OSBPL1A: variants seen among roughly 807,000 people sequenced by gnomAD.
The protein encoded by OSBPL1A is oxysterol binding protein like 1A.
A neutral mutation model predicts 137.1 loss-of-function variants in OSBPL1A; 80 were observed. That is an observed-to-expected ratio of 0.58 (90% CI 0.49 to 0.70). The LOEUF is 0.70. OSBPL1A is among the 30% of genes least tolerant of loss of function. OSBPL1A has a pLI of 0.00. For synonymous variants in OSBPL1A, 365 were observed against 389.7 expected (o/e 0.94, Z 0.75); for missense variants, 970 against 1,129.4 (o/e 0.86, Z 2.02).
chr18:24,244,265 T>G (rs567731508), intron 15 of OSBPL1A, among the ~76,000 whole-genome samples: 1 of 152,354 alleles, frequency 6.6e-6, no homozygotes, highest in African/African-American at 2.4e-5. Flanking sequence ...TATTGATTAC[T>G]AGATTTTTTA....
At chr18:24,385,186 C>T (rs1222701640) in intron 1 of OSBPL1A, among the ~76,000 whole-genome samples, 9 of 151,972 alleles carry the variant, frequency 5.9e-5, no homozygotes, top group East Asian at 2.0e-4. Flanking sequence ...TATCTCCTGA[C>T]CTCATGATCC....
At chr18:24,337,946 CAT>C (rs1313656954) in intron 5 of OSBPL1A, among the ~76,000 whole-genome samples, 1 of 151,824 alleles carries the variant, frequency 6.6e-6, no homozygotes, top group Non-Finnish European at 1.5e-5. Flanking sequence ...AAATAAATAA[CAT>C]AAAATATGTA....
intron 17 of OSBPL1A, among the ~76,000 whole-genome samples, chr18:24,216,746 G>T (rs2087713551): frequency 6.6e-6 from 1 of 151,876 alleles, no homozygotes; most frequent in South Asian, 2.1e-4. Context: ...TTTGTTTAGG[G>T]TTCATCGGTT....
At chr18:24,360,853 G>A (rs1318416032) in intron 4 of OSBPL1A, among the ~76,000 whole-genome samples, 1 of 152,102 alleles carries the variant, frequency 6.6e-6, no homozygotes, top group Non-Finnish European at 1.5e-5. Flanking sequence ...CTCCAGGCCT[G>A]GATCCCCCTG....
At chr18:24,190,679 C>T (rs1305373046) in intron 18 of OSBPL1A, among the ~76,000 whole-genome samples, 7 of 152,212 alleles carry the variant, frequency 4.6e-5, no homozygotes, top group African/African-American at 1.7e-4. Context: ...CTCCTTCTAT[C>T]CTCTGTCGCT....
rs1474670651 is a variant in OSBPL1A at position 24,318,787 on chromosome 18, G to T, written c.648C>A (p.Ala216=). The change falls in exon 8 of 28, where the codon GCC becomes GCA. Residue 216 remains alanine, a synonymous_variant. Coordinates refer to ENST00000319481, the MANE Select transcript of OSBPL1A (RefSeq NM_080597.4). ...NKNDQKPLDL[A]QGAEMKHILV... ...GAATGTGTTTCATTTCAGCACCCTG[G>T]GCAAGGTCAAGAGGTTTCTGATCTG... is the stretch of plus-strand genomic sequence containing the variant. 9 of 1,613,030 alleles carry T rather than the reference G, an allele frequency of 5.6e-6. No individual in the cohort carries two copies. The highest frequency in any genetic ancestry group is 7.6e-6 in the Non-Finnish European group (9 of 1,179,876).
At chr18:24,191,690 A>C (rs1435808139) in intron 18 of OSBPL1A, among the ~76,000 whole-genome samples, 3 of 152,184 alleles carry the variant, frequency 2.0e-5, no homozygotes, top group African/African-American at 7.2e-5. Context: ...TGCAGTAATG[A>C]AGTATGATGA....
chr18:24,256,647 C>A (rs564997320), intron 15 of OSBPL1A, among the ~76,000 whole-genome samples: 2 of 152,068 alleles, frequency 1.3e-5, no homozygotes, highest in Non-Finnish European at 2.9e-5. Flanking sequence ...ATAAAGGTAT[C>A]CAAATTGGAA....
At chr18:24,352,249 C>T (rs2091452705) in intron 4 of OSBPL1A, among the ~76,000 whole-genome samples, 1 of 152,124 alleles carries the variant, frequency 6.6e-6, no homozygotes, top group Admixed American at 6.5e-5. Flanking sequence ...CTCCAGGGAA[C>T]AGTGATTGTG....
chr18:24,262,078 A>G (rs534010911), intron 15 of OSBPL1A, among the ~76,000 whole-genome samples: 14 of 152,340 alleles, frequency 9.2e-5, no homozygotes, highest in Non-Finnish European at 1.2e-4. Context: ...ATACTCCTGT[A>G]TATCTTCCAT....
At chr18:24,381,766 T>G (rs901047293) in intron 1 of OSBPL1A, among the ~76,000 whole-genome samples, 4 of 151,904 alleles carry the variant, frequency 2.6e-5, no homozygotes, top group Non-Finnish European at 5.9e-5. Context: ...GAGCCCAGCC[T>G]GGCCAACATG....
intron 17 of OSBPL1A, among the ~76,000 whole-genome samples, chr18:24,218,806 A>T (rs908626885): frequency 2.6e-5 from 4 of 152,166 alleles, no homozygotes; most frequent in African/African-American, 9.7e-5. Context: ...TAGAGAGTAT[A>T]GTTTAAAGTG....
intron 9 of OSBPL1A, among the ~76,000 whole-genome samples, chr18:24,318,210 C>T (rs1469471966): frequency 2.0e-5 from 3 of 151,992 alleles, no homozygotes; most frequent in Non-Finnish European, 4.4e-5. Flanking sequence ...TTCTGGGAGG[C>T]CAAGGCGGGT....
At chr18:24,249,636 C>A (rs965794363) in intron 15 of OSBPL1A, among the ~76,000 whole-genome samples, 1 of 152,308 alleles carries the variant, frequency 6.6e-6, no homozygotes. Context: ...ACATTGAACT[C>A]ATTGCTCCCC....
intron 1 of OSBPL1A, among the ~76,000 whole-genome samples, chr18:24,391,105 C>T (rs12606457): frequency 0.049 from 7,480 of 151,812 alleles, 262 homozygotes; most frequent in East Asian, 0.15. Context: ...CTGTCTCAAT[C>T]GATTGAGGAA....
chr18:24,270,882 T>G (rs1037496834), intron 15 of OSBPL1A, among the ~76,000 whole-genome samples: 1 of 152,170 alleles, frequency 6.6e-6, no homozygotes, highest in East Asian at 1.9e-4. Context: ...TTTAATAGCC[T>G]TAATAACTCA....
chr18:24,345,875 T>A (rs1313075874), intron 4 of OSBPL1A, among the ~76,000 whole-genome samples: 2 of 152,144 alleles, frequency 1.3e-5, no homozygotes, highest in Non-Finnish European at 2.9e-5. Context: ...TCCTCTTTTA[T>A]GAAAAAAGGT....
At chr18:24,336,999 C>T (rs758412428) in intron 5 of OSBPL1A, among the ~76,000 whole-genome samples, 110 of 152,208 alleles carry the variant, frequency 7.2e-4, no homozygotes, top group Non-Finnish European at 1.2e-3. Context: ...TACAGTGGAC[C>T]ACAAAGTGAT....
intron 15 of OSBPL1A, among the ~76,000 whole-genome samples, chr18:24,279,309 G>A (rs2089909454): frequency 6.7e-6 from 1 of 150,334 alleles, no homozygotes; most frequent in Non-Finnish European, 1.5e-5. Flanking sequence ...CATGCCAGTA[G>A]TCCCAGCTAC....
Sources: allele counts gnomAD v4.1 joint callset (sites outside exome capture counted in the v4.1 genomes callset), GRCh38; gene constraint gnomAD v4.1.1; transcripts MANE v1.5; gene names NCBI Gene and HGNC (gene_info 2026-07-23, HGNC 2026-07-21).